Variants in ASAP2 observed in about 807,000 individuals in gnomAD.
The protein encoded by ASAP2 is ArfGAP with SH3 domain, ankyrin repeat and PH domain 2.
In ASAP2, 45 loss-of-function variants were observed where a neutral mutation model predicts 131.4. The observed-to-expected ratio is 0.34, with a 90% CI of 0.27 to 0.44. The LOEUF (loss-of-function observed/expected upper bound fraction) is 0.44. ASAP2 is among the 20% of genes least tolerant of loss of function. The probability of loss-of-function intolerance (pLI) is 1.00; values close to 1 mark genes in which losing one functional copy is unlikely to be tolerated. For missense variants in ASAP2, 1,011 were observed against 1,297.0 expected (o/e 0.78, Z 3.39); for synonymous variants, 510 against 503.0 (o/e 1.01, Z -0.19).
chr2:9,264,393 C>T (rs999257882), intron 1 of ASAP2, among the ~76,000 whole-genome samples: 4 of 152,144 alleles, frequency 2.6e-5, no homozygotes, highest in Non-Finnish European at 4.4e-5. Context: ...CAGGAACCTT[C>T]CTTCCTTGGA....
intron 1 of ASAP2, among the ~76,000 whole-genome samples, chr2:9,216,081 C>T (rs180856448): frequency 4.1e-4 from 62 of 152,236 alleles, no homozygotes; most frequent in Admixed American, 3.9e-3. Flanking sequence ...TTGTGTCACA[C>T]GGCATGTACT....
chr2:9,375,036 C>A, intron 17 of ASAP2, 92 bp downstream of exon 17: 2 of 1,151,212 alleles, frequency 1.7e-6, no homozygotes, highest in Non-Finnish European at 2.3e-6. Context: ...TTCAGGAGGC[C>A]AAGGCGGAGG....
At chr2:9,299,415 G>T (rs1335900690) in intron 3 of ASAP2, among the ~76,000 whole-genome samples, 1 of 152,178 alleles carries the variant, frequency 6.6e-6, no homozygotes, top group Non-Finnish European at 1.5e-5. Flanking sequence ...AAAGACGAGA[G>T]TAGAATTAAA....
intron 1 of ASAP2, among the ~76,000 whole-genome samples, chr2:9,264,067 C>T (rs1558278071): frequency 6.6e-6 from 1 of 151,906 alleles, no homozygotes; most frequent in Non-Finnish European, 1.5e-5. Context: ...TGGTATGCAC[C>T]TGTAGTCCCA....
intron 12 of ASAP2, among the ~76,000 whole-genome samples, chr2:9,352,248 A>G (rs78475568): frequency 7.5e-6 from 1 of 133,744 alleles, no homozygotes; most frequent in Non-Finnish European, 1.6e-5. Flanking sequence ...CACACACACA[A>G]ACACACACAC....
At chr2:9,236,514 C>T (rs1391942916) in intron 1 of ASAP2, among the ~76,000 whole-genome samples, 2 of 152,108 alleles carry the variant, frequency 1.3e-5, no homozygotes, top group African/African-American at 2.4e-5. Flanking sequence ...AAAATTGTCT[C>T]TGTACTGATG....
chr2:9,328,865 A>T (rs1035908615), intron 7 of ASAP2, among the ~76,000 whole-genome samples: 2 of 152,256 alleles, frequency 1.3e-5, no homozygotes, highest in Non-Finnish European at 2.9e-5. Flanking sequence ...ACAAATTTCT[A>T]ATTAGATGTT....
At chr2:9,274,319 C>CTT (rs57798948) in intron 1 of ASAP2, among the ~76,000 whole-genome samples, 1,558 of 106,658 alleles carry the variant, frequency 0.015, 63 homozygotes, top group Middle Eastern at 0.059. Flanking sequence ...AGCATTCAAT[C>CTT]TTTTTTTTTT....
At chr2:9,338,100 A>G (rs1337581163) in intron 9 of ASAP2, among the ~76,000 whole-genome samples, 1 of 152,116 alleles carries the variant, frequency 6.6e-6, no homozygotes. Flanking sequence ...TTCTGCCAGG[A>G]TGGACCCTGT....
Position 9,327,888 on chromosome 2 carries a change from C to A in ASAP2, c.663C>A (p.Ile221=). 2 of 1,582,732 alleles carry A rather than the reference C, an allele frequency of 1.3e-6. No individual in the cohort carries two copies. Among genetic ancestry groups the A allele is most frequent in the South Asian group, 2.4e-5 (2 of 84,264 alleles). The stretch of plus-strand genomic sequence containing the variant: ...GAGTAGATTTACTTCAGAATCTGAT[C>A]AAATACTTTCATGCCCAATGCAAGT... The part of the protein sequence containing the change: ...KKGVDLLQNL[I]KYFHAQCNFF... Residue 221 remains isoleucine (I), a synonymous_variant, in exon 7 of 28, where the codon ATC becomes ATA. Coordinates refer to ENST00000281419, the MANE Select transcript of ASAP2 (RefSeq NM_003887.3).
chr2:9,354,854 C>T (rs984384061), intron 12 of ASAP2, among the ~76,000 whole-genome samples: 3 of 152,128 alleles, frequency 2.0e-5, no homozygotes, highest in Non-Finnish European at 2.9e-5. Flanking sequence ...AGAGAGGTGG[C>T]GTGTCCACTC....
intron 1 of ASAP2, among the ~76,000 whole-genome samples, chr2:9,221,323 C>CTTTTTTTTTTTTTTTT (rs35784307): frequency 7.6e-6 from 1 of 132,016 alleles, no homozygotes; most frequent in Non-Finnish European, 1.6e-5. Context: ...CTTTTCTTTT[C>CTTTTTTTTTTTTTTTT]TTTTTTTTTT....
At chr2:9,313,023 C>G (rs968226344) in intron 3 of ASAP2, among the ~76,000 whole-genome samples, 2 of 152,190 alleles carry the variant, frequency 1.3e-5, no homozygotes, top group African/African-American at 2.4e-5. Context: ...CGTGCCACTG[C>G]ACACCCGCCT....
At chr2:9,361,374 C>T (rs1044273069) in intron 15 of ASAP2, among the ~76,000 whole-genome samples, 5 of 152,110 alleles carry the variant, frequency 3.3e-5, no homozygotes, top group South Asian at 2.1e-4. Context: ...CCACGGCTCC[C>T]CCAATCCATT....
chr2:9,387,213 CAAAA>C (rs60187435), intron 21 of ASAP2, among the ~76,000 whole-genome samples: 8 of 95,280 alleles, frequency 8.4e-5, no homozygotes, highest in Non-Finnish European at 1.4e-4. Flanking sequence ...GACTCTGTCT[CAAAA>C]AAAAAAAAAA....
chr2:9,401,544 G>A, intron 27 of ASAP2, 148 bp downstream of exon 27: 1 of 1,122,990 alleles, frequency 8.9e-7, no homozygotes, highest in Non-Finnish European at 1.2e-6. Context: ...GCATCCTCAG[G>A]AGCTGCTTCC....
intron 3 of ASAP2, among the ~76,000 whole-genome samples, chr2:9,308,678 C>T (rs1449958054): frequency 1.3e-5 from 2 of 152,136 alleles, no homozygotes; most frequent in Non-Finnish European, 1.5e-5. Context: ...TCAGTCCAGC[C>T]GTCTTTAATA....
Position 9,403,731 on chromosome 2 carries a change from A to C in ASAP2, c.*404A>C. On this transcript the variant is annotated 3_prime_UTR_variant, in exon 28 of 28. Transcript: ENST00000281419. Reference sequence around the variant, plus strand: ...CAATTATTATTTTAGGCGGCCAGTGAACTGCTGCTTCAGAAGTCCATAGCC... The same window carrying C: ...CAATTATTATTTTAGGCGGCCAGTGCACTGCTGCTTCAGAAGTCCATAGCC... The C allele has an allele frequency of 5.9e-6, 1 of 170,796 alleles. No homozygotes were observed. Among genetic ancestry groups the C allele is most frequent in the South Asian group, 1.5e-4 (1 of 6,796 alleles). 10.6% of individuals were successfully genotyped at this position (170,796 alleles called of 1,614,324 possible).
chr2:9,273,729 A>G lies in ASAP2; in HGVS notation c.127-5588A>G, dbSNP rs569267543. ...TCCTGGGTGGGGGCCACAGGACCAG[A>G]TGAGCCAGTTTATTGATCTGGGTGG... On this transcript the variant is annotated intron_variant, in intron 1 of 27. Transcript: ENST00000281419. Among the ~76,000 whole-genome samples the G allele has an allele frequency of 6.6e-5, 10 of 152,308 alleles. No homozygotes were observed. The South Asian group carries it at 1.7e-3, about 25-fold the overall frequency.
Sources: gnomAD v4.1 joint callset for allele counts (sites outside exome capture counted in the v4.1 genomes callset) on GRCh38, gnomAD v4.1.1 for gene constraint, MANE v1.5 for transcripts, NCBI Gene and HGNC (gene_info 2026-07-23, HGNC 2026-07-21) for gene names.